The following SEMA3C variants were observed in gnomAD, a reference collection of about 807,000 sequenced individuals.
SEMA3C encodes semaphorin-3C.
SEMA3C carries 47 observed loss-of-function variants against 89.4 expected under a neutral mutation model. The ratio of observed to expected loss-of-function variants is 0.53; its 90% CI spans 0.42 to 0.67. SEMA3C has a LOEUF of 0.67. SEMA3C is among the 30% of genes least tolerant of loss of function. The pLI, the probability that SEMA3C is intolerant of heterozygous loss-of-function variation, is 0.00. For synonymous variants in SEMA3C, 310 were observed against 320.2 expected, an observed-to-expected ratio of 0.97 and a Z score of 0.34; for missense variants, 839 against 929.1, an observed-to-expected ratio of 0.90 and a Z score of 1.26.
In SEMA3C at chr7:80,745,272, C is replaced by T. The variant is rs1404996738; in HGVS notation, c.1878G>A (p.Gln626=). Residue 626 remains glutamine, a synonymous_variant, in exon 18 of 18, where the codon CAG becomes CAA. Transcript: ENST00000265361. The stretch of plus-strand genomic sequence containing the variant: ...CCTGAACAGAGCGGATCAGGAGTCC[C>T]TGTGAAGTGGCTATTATTCGTTCAT... ...KLNERIIATS[Q]GLLIRSVQGS... 1 of 1,613,884 alleles carries T rather than the reference C, an allele frequency of 6.2e-7. No individual in the cohort carries two copies. The highest frequency in any genetic ancestry group is 1.3e-5 in the African/African-American group (1 of 75,030).
chr7:80,752,931 T>A (rs1372587074), intron 15 of SEMA3C, among the ~76,000 whole-genome samples: 2 of 152,132 alleles, frequency 1.3e-5, no homozygotes, highest in Non-Finnish European at 2.9e-5. Context: ...CTTCATACTT[T>A]TAAAGATAAA....
At chr7:80,908,146 A>T (rs980773421) in intron 2 of SEMA3C, among the ~76,000 whole-genome samples, 6 of 152,200 alleles carry the variant, frequency 3.9e-5, no homozygotes, top group Non-Finnish European at 8.8e-5. Flanking sequence ...AATAGTCTGT[A>T]TCATTTAAAA....
intron 12 of SEMA3C, among the ~76,000 whole-genome samples, chr7:80,788,612 GTC>G (rs1788859471): frequency 6.6e-6 from 1 of 152,054 alleles, no homozygotes; most frequent in Non-Finnish European, 1.5e-5. Context: ...TATCATGTGG[GTC>G]TATAAACAAG....
chr7:80,889,961 G>A (rs1583982724), intron 2 of SEMA3C, among the ~76,000 whole-genome samples: 1 of 152,114 alleles, frequency 6.6e-6, no homozygotes, highest in Non-Finnish European at 1.5e-5. Flanking sequence ...TGTTTGATAT[G>A]TAGTCTATTA....
chr7:80,807,017 G>C (rs1789356935), intron 6 of SEMA3C, among the ~76,000 whole-genome samples: 1 of 151,920 alleles, frequency 6.6e-6, no homozygotes, highest in Non-Finnish European at 1.5e-5. Context: ...CCTAGTAGGG[G>C]TTCTAGGCCC....
intron 2 of SEMA3C, among the ~76,000 whole-genome samples, chr7:80,867,260 A>AT (rs950157856): frequency 2.6e-5 from 4 of 151,912 alleles, no homozygotes; most frequent in Non-Finnish European, 4.4e-5. Flanking sequence ...CTTTTCTTCT[A>AT]TTTTTTCTTT....
At chr7:80,804,373 G>T in intron 7 of SEMA3C, 125 bp from the exon 8 acceptor site, 1 of 546,802 alleles carries the variant, frequency 1.8e-6, no homozygotes, top group Non-Finnish European at 2.9e-6. Context: ...ACATTTACAG[G>T]CACATTTCTA....
chr7:80,754,966 T>TTTTTTTTTTTTTTTTTTTTTG (rs1788031870), intron 15 of SEMA3C, among the ~76,000 whole-genome samples: 1 of 139,036 alleles, frequency 7.2e-6, no homozygotes, highest in Admixed American at 7.3e-5. Context: ...TGTTTTTTTT[T>TTTTTTTTTTTTTTTTTTTTTG]TTTTTGTATT....
At chr7:80,842,001 C>G (rs1036725467) in intron 2 of SEMA3C, among the ~76,000 whole-genome samples, 1 of 152,154 alleles carries the variant, frequency 6.6e-6, no homozygotes, top group Admixed American at 6.6e-5. Flanking sequence ...AGTCATTCTA[C>G]GCAGAAGCTC....
intron 16 of SEMA3C, among the ~76,000 whole-genome samples, chr7:80,750,294 A>G: frequency 6.6e-6 from 1 of 151,574 alleles, no homozygotes; most frequent in South Asian, 2.1e-4. Flanking sequence ...TGAGGGACAT[A>G]AAGCAGGATT....
At chr7:80,900,463 A>T (rs1047190541) in intron 2 of SEMA3C, among the ~76,000 whole-genome samples, 2 of 152,218 alleles carry the variant, frequency 1.3e-5, no homozygotes, top group Non-Finnish European at 2.9e-5. Context: ...TGTTTTACAC[A>T]TATTACCTAA....
chr7:80,856,144 G>T (rs1201233776), intron 2 of SEMA3C, among the ~76,000 whole-genome samples: 2 of 151,694 alleles, frequency 1.3e-5, no homozygotes, highest in Non-Finnish European at 2.9e-5. Context: ...TTTTTGAAGG[G>T]CTCACCATAA....
intron 2 of SEMA3C, among the ~76,000 whole-genome samples, chr7:80,915,009 A>G (rs908473377): frequency 1.3e-5 from 2 of 152,126 alleles, no homozygotes; most frequent in African/African-American, 4.8e-5. Context: ...TGATATTTAC[A>G]TTAGTTTGGA....
chr7:80,768,490 G>A (rs1188389659), intron 12 of SEMA3C, among the ~76,000 whole-genome samples: 1 of 151,314 alleles, frequency 6.6e-6, no homozygotes, highest in Non-Finnish European at 1.5e-5. Context: ...CTCCAGCCTG[G>A]GCGACAGAGC....
intron 6 of SEMA3C, among the ~76,000 whole-genome samples, chr7:80,808,043 G>A (rs1181911030): frequency 1.3e-5 from 2 of 152,066 alleles, no homozygotes; most frequent in Non-Finnish European, 2.9e-5. Context: ...AGTAGTATAG[G>A]AACATGAGCA....
rs188179111 is a variant in SEMA3C, at chr7:80,823,170, G to A, written c.327+4255C>T. Among the ~76,000 whole-genome samples the A allele has an allele frequency of 4.0e-3, 611 of 152,234 alleles. 5 individuals carry two copies. Among genetic ancestry groups the A allele is most frequent in the African/African-American group, 0.014 (587 of 41,544 alleles). ...TGTTAAGAGTGATTATGTTTCAGTA[G>A]TGCAATTTACTTTCTTTAACAGCGA... On this transcript the variant is annotated intron_variant, in intron 4 of 17. Transcript: ENST00000265361.
At chr7:80,913,029 T>C (rs558084175) in intron 2 of SEMA3C, among the ~76,000 whole-genome samples, 1 of 152,250 alleles carries the variant, frequency 6.6e-6, no homozygotes, top group African/African-American at 2.4e-5. Context: ...TTACATACTA[T>C]CAAAGACCTG....
intron 3 of SEMA3C, among the ~76,000 whole-genome samples, chr7:80,827,974 T>C (rs186483170): frequency 1.2e-4 from 18 of 149,384 alleles, no homozygotes; most frequent in Admixed American, 1.1e-3. Context: ...TCCCTCTCTC[T>C]GAAATACTGT....
rs75909716 is a variant in SEMA3C at position 80,763,548 on chromosome 7, C to T, written c.1443+1607G>A. The stretch of plus-strand genomic sequence containing the variant: ...AGTTTATTATTCAAGATGATAACAC[C>T]AGCATAACTCATATGACAGACCATA... On this transcript the variant is annotated intron_variant, in intron 13 of 17. Transcript: ENST00000265361. 6.9e-3 allele frequency among the ~76,000 whole-genome samples: 1,055 copies of T among 152,170 alleles called. 14 individuals carry two copies. The highest frequency in any genetic ancestry group is 0.024 in the African/African-American group (976 of 41,522).
Sources: gnomAD v4.1 joint callset for allele counts (sites outside exome capture counted in the v4.1 genomes callset) on GRCh38, gnomAD v4.1.1 for gene constraint, MANE v1.5 for transcripts, NCBI Gene and HGNC (gene_info 2026-07-23, HGNC 2026-07-21) for gene names.